Variants in PHLDB2 observed in about 807,000 individuals in gnomAD.
The protein encoded by PHLDB2 is pleckstrin homology-like domain family B member 2.
PHLDB2 carries 71 observed loss-of-function variants against 123.6 expected under a neutral mutation model. That is an observed-to-expected ratio of 0.57 (90% CI 0.47 to 0.70). PHLDB2 has a LOEUF of 0.70. PHLDB2 is among the 30% of genes least tolerant of loss of function. PHLDB2 has a pLI of 0.00. For synonymous variants in PHLDB2, 547 were observed against 541.6 expected, an observed-to-expected ratio of 1.01 and a Z score of -0.14; for missense variants, 1,446 against 1,519.5, an observed-to-expected ratio of 0.95 and a Z score of 0.80.
intron 1 of PHLDB2, among the ~76,000 whole-genome samples, chr3:111,836,993 G>A (rs1172922229): frequency 6.6e-6 from 1 of 152,130 alleles, no homozygotes. Context: ...CTTTGAATCT[G>A]AGAACCTGGA....
intron 2 of PHLDB2, among the ~76,000 whole-genome samples, chr3:111,905,483 A>G (rs1295054911): frequency 6.6e-6 from 1 of 151,954 alleles, no homozygotes; most frequent in Non-Finnish European, 1.5e-5. Context: ...CAGCCTCCCA[A>G]GTAGCTGGGA....
At chr3:111,928,368 C>T (rs764531665) in intron 5 of PHLDB2, among the ~76,000 whole-genome samples, 10 of 152,120 alleles carry the variant, frequency 6.6e-5, no homozygotes, top group Non-Finnish European at 1.3e-4. Flanking sequence ...TCTCATAACC[C>T]TGGGTGGCTA....
chr3:111,859,277 C>T lies in PHLDB2; in HGVS notation c.-314C>T, dbSNP rs13063198. 791,045 of 985,310 alleles carry T rather than the reference C, an allele frequency of 0.8. 320,496 individuals are homozygous for T. The highest frequency in any genetic ancestry group is 0.83 in the Non-Finnish European group (685,995 of 829,918). The allele number at this position is 985,310 out of a possible 1,614,324, so 61.0% of individuals were successfully genotyped here. On this transcript the variant is annotated 5_prime_UTR_variant, in exon 1 of 18. Coordinates refer to ENST00000431670, the MANE Select transcript of PHLDB2 (RefSeq NM_001134438.2). The stretch of plus-strand genomic sequence containing the variant: ...CACGAAAGTCCCTACTGCGTTGCTG[C>T]GAACGTAGCTTTGAGAAGCTGGCGC...
At chr3:111,872,413 C>G (rs1290633829) in intron 1 of PHLDB2, among the ~76,000 whole-genome samples, 1 of 152,166 alleles carries the variant, frequency 6.6e-6, no homozygotes, top group Non-Finnish European at 1.5e-5. Flanking sequence ...CCTCCCTTCC[C>G]CACTTCCCTC....
Position 111,913,540 on chromosome 3 carries a change from G to A in PHLDB2, c.1557G>A (p.Leu519=). ...AAGACTCCCTCCCTGATGCAGACTT[G>A]GCAAGCTGTGGGAGTCTCAGTCAGA... ...HRKDSLPDAD[L]ASCGSLSQSS... is the part of the protein sequence containing the mutation. The change falls in exon 3 of 18, where the codon TTG becomes TTA. Residue 519 remains leucine, a synonymous_variant. Transcript: ENST00000431670. 6.2e-7 allele frequency: 1 copy of A among 1,614,116 alleles called. No individual in the cohort carries two copies. Among genetic ancestry groups the A allele is most frequent in the South Asian group, 1.1e-5 (1 of 91,074 alleles).
At chr3:111,738,282 T>C (rs1249127442) in intron 1 of PHLDB2, among the ~76,000 whole-genome samples, 2 of 152,204 alleles carry the variant, frequency 1.3e-5, no homozygotes, top group Non-Finnish European at 2.9e-5. Flanking sequence ...TGATAAATTA[T>C]AGTCCAACAA....
At chr3:111,952,506 C>G in intron 10 of PHLDB2, 66 bp from the exon 11 acceptor site, 1 of 1,533,536 alleles carries the variant, frequency 6.5e-7, no homozygotes. Flanking sequence ...CATAATTCTT[C>G]ATTTCTTCAG....
intron 1 of PHLDB2, among the ~76,000 whole-genome samples, chr3:111,747,421 A>T (rs1393144642): frequency 6.6e-6 from 1 of 152,118 alleles, no homozygotes; most frequent in East Asian, 1.9e-4. Flanking sequence ...AAATATATTT[A>T]CAAAAATATT....
chr3:111,785,745 A>T (rs964368060), intron 1 of PHLDB2, among the ~76,000 whole-genome samples: 1 of 152,062 alleles, frequency 6.6e-6, no homozygotes, highest in African/African-American at 2.4e-5. Context: ...TAATTCTACT[A>T]CTCTTCATCT....
In PHLDB2 at chr3:111,884,164, C is replaced by G. The variant is rs147548065; in HGVS notation, c.87C>G (p.Asn29Lys). ...ACTCTGTGGTGCATTCTGTTGAGAACGATTCCCAAAACATGATGGAGAGCC... is the reference window on the plus strand; with the variant it reads ...ACTCTGTGGTGCATTCTGTTGAGAAGGATTCCCAAAACATGATGGAGAGCC... ...EEDSVVHSVE[N>K]DSQNMMESLS... is the part of the protein sequence containing the mutation. The change falls in exon 2 of 18, where the codon AAC (asparagine) becomes AAG (lysine). Residue 29 changes from asparagine (N) to lysine (K), a missense_variant. Asn to Lys is a moderately conservative substitution (Grantham distance 94). This residue lies in a region of PHLDB2 where 832 missense variants were observed against 831.9 expected (regional missense o/e 1.00). Coordinates refer to ENST00000431670, the MANE Select transcript of PHLDB2 (RefSeq NM_001134438.2). 2.5e-6 allele frequency: 4 copies of G among 1,614,142 alleles called. No individual in the cohort carries two copies. The Admixed American group carries it at 6.7e-5, about 27-fold the overall frequency.
rs2060408116 is a variant in PHLDB2, at chr3:111,780,399, A to AGAAGAAGAGGAAGAAGAAGAAGAAG, written c.-49+47704_-49+47705insGGAAGAAGAAGAAGAAGGAAGAAGA. Among the ~76,000 whole-genome samples the AGAAGAAGAGGAAGAAGAAGAAGAAG allele has an allele frequency of 2.7e-3, 202 of 74,448 alleles. 49 individuals are homozygous for AGAAGAAGAGGAAGAAGAAGAAGAAG. Among genetic ancestry groups the AGAAGAAGAGGAAGAAGAAGAAGAAG allele is most frequent in the Middle Eastern group, 0.022 (3 of 134 alleles). The allele number at this position is 74,448 out of a possible 152,430, so 48.8% of individuals were successfully genotyped here. The stretch of plus-strand genomic sequence containing the variant: ...AAGAAGAAGAAGAAGAAGAAGAAGA[A>AGAAGAAGAGGAAGAAGAAGAAGAAG]GAAGAAGAAGAAAAAGATTAGTTCG... On this transcript the variant is annotated intron_variant, in intron 1 of 17. Transcript: ENST00000393923.
At chr3:111,860,270 A>G (rs1469221457) in intron 1 of PHLDB2, among the ~76,000 whole-genome samples, 1 of 152,122 alleles carries the variant, frequency 6.6e-6, no homozygotes, top group Non-Finnish European at 1.5e-5. Context: ...ATATTTGGCT[A>G]GCTGCGCTTC....
chr3:111,862,104 A>C (rs924030116), intron 1 of PHLDB2, among the ~76,000 whole-genome samples: 2 of 152,200 alleles, frequency 1.3e-5, no homozygotes, highest in Non-Finnish European at 2.9e-5. Context: ...GGCCTCCCAA[A>C]GTACTGGGAT....
rs772593942 is a variant in PHLDB2, at chr3:111,974,596, C to T, written c.*33C>T. 1.3e-5 allele frequency: 21 copies of T among 1,556,414 alleles called. No individual in the cohort carries two copies. Among genetic ancestry groups the T allele is most frequent in the Admixed American group, 1.3e-4 (7 of 53,020 alleles). The stretch of plus-strand genomic sequence containing the variant: ...AGGCAACAGTCCACTTCAGGGCAGA[C>T]GGCAATAATCTCTTACAAGAATGAA... On this transcript the variant is annotated 3_prime_UTR_variant, in exon 18 of 18. Transcript: ENST00000431670.
intron 1 of PHLDB2, among the ~76,000 whole-genome samples, chr3:111,840,151 C>T (rs1352737074): frequency 6.6e-6 from 1 of 151,806 alleles, no homozygotes; most frequent in African/African-American, 2.4e-5. Flanking sequence ...GCTTGGAAGA[C>T]TGAGGCAGAA....
At chr3:111,882,966 G>T (rs145338458) in intron 1 of PHLDB2, among the ~76,000 whole-genome samples, 72 of 152,282 alleles carry the variant, frequency 4.7e-4, no homozygotes, top group Non-Finnish European at 4.3e-4. Flanking sequence ...ACCACATTAT[G>T]AAACCATTAC....
chr3:111,749,392 A>C (rs1319090428), intron 1 of PHLDB2, among the ~76,000 whole-genome samples: 3 of 152,224 alleles, frequency 2.0e-5, no homozygotes, highest in Admixed American at 2.0e-4. Context: ...GTATAAATAA[A>C]GAAATATCAA....
intron 11 of PHLDB2, 122 bp downstream of exon 11, chr3:111,952,834 G>A: frequency 8.4e-7 from 1 of 1,194,202 alleles, no homozygotes; most frequent in Non-Finnish European, 1.2e-6. Context: ...TTACTTGTTA[G>A]GCAGACATCA....
At chr3:111,867,378 A>G (rs1316519555) in intron 1 of PHLDB2, among the ~76,000 whole-genome samples, 2 of 152,182 alleles carry the variant, frequency 1.3e-5, no homozygotes, top group African/African-American at 4.8e-5. Context: ...CTTTATCATG[A>G]AAAATATTAA....
Sources: allele counts gnomAD v4.1 joint callset (sites outside exome capture counted in the v4.1 genomes callset), GRCh38; gene constraint gnomAD v4.1.1; regional missense constraint gnomAD v4.1.1; transcripts MANE v1.5; gene names NCBI Gene and HGNC (gene_info 2026-07-23, HGNC 2026-07-21).